SDK1: variants seen among roughly 807,000 people sequenced by gnomAD.
The protein encoded by SDK1 is sidekick cell adhesion molecule 1.
Under a neutral mutation model 245.5 loss-of-function variants are expected in SDK1, and 157 were observed. The ratio of observed to expected loss-of-function variants is 0.64; its 90% CI spans 0.56 to 0.73. The LOEUF (loss-of-function observed/expected upper bound fraction) is 0.73, where lower values mean the gene tolerates loss of function less well. SDK1 is among the 30% of genes least tolerant of loss of function. The pLI is 0.00. For missense variants in SDK1, 3,583 were observed against 3,002.3 expected (o/e 1.19, Z -4.52); for synonymous variants, 1,647 against 1,278.5 (o/e 1.29, Z -6.15).
chr7:4,055,433 T>G (rs1461430105), intron 19 of SDK1, among the ~76,000 whole-genome samples: 1 of 152,224 alleles, frequency 6.6e-6, no homozygotes, highest in Non-Finnish European at 1.5e-5. Flanking sequence ...TGTCCTGTTT[T>G]TTATTCCTGA....
chr7:3,305,487 G>A (rs1011484887), intron 1 of SDK1, among the ~76,000 whole-genome samples: 3 of 152,136 alleles, frequency 2.0e-5, no homozygotes, highest in Non-Finnish European at 2.9e-5. Context: ...TCTGCCACTT[G>A]TTTGCTAGAG....
At chr7:3,451,245 A>C (rs758856984) in intron 1 of SDK1, among the ~76,000 whole-genome samples, 1 of 151,690 alleles carries the variant, frequency 6.6e-6, no homozygotes, top group Non-Finnish European at 1.5e-5. Context: ...ATTGTTGTGA[A>C]GTTCCAAGAG....
chr7:3,635,662 T>C (rs1049367177), intron 2 of SDK1, among the ~76,000 whole-genome samples: 1 of 152,224 alleles, frequency 6.6e-6, no homozygotes, highest in Non-Finnish European at 1.5e-5. Flanking sequence ...CACTCTGTTT[T>C]CTTCTCCCCT....
chr7:3,470,833 T>A (rs970462140), intron 1 of SDK1, among the ~76,000 whole-genome samples: 6 of 152,334 alleles, frequency 3.9e-5, no homozygotes, highest in Admixed American at 2.6e-4. Flanking sequence ...AAATATCATA[T>A]AAATGCAAAT....
intron 4 of SDK1, among the ~76,000 whole-genome samples, chr7:3,820,441 C>G (rs760560325): frequency 3.7e-4 from 56 of 152,206 alleles, no homozygotes; most frequent in Non-Finnish European, 6.5e-4. Flanking sequence ...AGCCACTGCG[C>G]TCAGCCCATA....
chr7:3,479,455 T>G (rs1210832402), intron 1 of SDK1, among the ~76,000 whole-genome samples: 1 of 150,886 alleles, frequency 6.6e-6, no homozygotes, highest in African/African-American at 2.4e-5. Context: ...GAATATCTAT[T>G]GTCCAATTGG....
intron 1 of SDK1, among the ~76,000 whole-genome samples, chr7:3,500,968 C>T (rs1163474182): frequency 6.6e-6 from 1 of 151,976 alleles, no homozygotes; most frequent in Non-Finnish European, 1.5e-5. Flanking sequence ...TTTTTAATAT[C>T]TGATAATTTT....
At chr7:3,719,514 G>C (rs1785302694) in intron 4 of SDK1, among the ~76,000 whole-genome samples, 1 of 152,104 alleles carries the variant, frequency 6.6e-6, no homozygotes, top group Non-Finnish European at 1.5e-5. Flanking sequence ...ACTAATTTTT[G>C]ACAAAGGTGC....
chr7:4,124,565 G>A (rs1038504007), intron 25 of SDK1, among the ~76,000 whole-genome samples: 7 of 152,194 alleles, frequency 4.6e-5, no homozygotes, highest in Admixed American at 3.9e-4. Context: ...AGTTACATCT[G>A]CAACAACTGT....
Position 3,301,819 on chromosome 7 carries a change from C to G in SDK1, c.233C>G (p.Pro78Arg), listed in dbSNP as rs1430261706. 9.2e-7 allele frequency: 1 copy of G among 1,089,626 alleles called. No homozygotes were observed. 67.5% of individuals were successfully genotyped at this position (1,089,626 alleles called of 1,614,324 possible). A position where few individuals can be genotyped will look rare whatever the true frequency, so the allele number is the denominator to read the frequency against. The change falls in exon 1 of 45, where the codon CCG (proline) becomes CGG (arginine). Residue 78 changes from proline to arginine, a missense_variant. Pro to Arg is a moderately radical substitution (Grantham distance 103). Transcript: ENST00000404826. ...CGGRRAAKLG[P>R]GRRGWWALLA... ...GGGCGGCGGGCGGCAAAGTTGGGGC[C>G]GGGCCGCCGCGGCTGGTGGGCGCTG...
At chr7:3,749,390 C>A (rs1562415263) in intron 4 of SDK1, among the ~76,000 whole-genome samples, 1 of 152,200 alleles carries the variant, frequency 6.6e-6, no homozygotes, top group Admixed American at 6.5e-5. Context: ...ACCTCTGCCT[C>A]CCAGGTTCAA....
At chr7:3,885,896 G>C (rs1173458559) in intron 5 of SDK1, among the ~76,000 whole-genome samples, 2 of 152,138 alleles carry the variant, frequency 1.3e-5, no homozygotes, top group African/African-American at 4.8e-5. Context: ...GCATTCTGCT[G>C]TTGTTTTGTT....
At chr7:3,305,563 C>G (rs1456224808) in intron 1 of SDK1, among the ~76,000 whole-genome samples, 2 of 152,164 alleles carry the variant, frequency 1.3e-5, no homozygotes, top group Non-Finnish European at 2.9e-5. Context: ...TCCAGAAGTA[C>G]TTTGCTTCCC....
At chr7:3,351,317 A>G (rs899839019) in intron 1 of SDK1, among the ~76,000 whole-genome samples, 3 of 152,194 alleles carry the variant, frequency 2.0e-5, no homozygotes, top group Non-Finnish European at 4.4e-5. Flanking sequence ...ATTTTACCTA[A>G]CAATTTATTG....
intron 5 of SDK1, among the ~76,000 whole-genome samples, chr7:3,872,936 A>G (rs543537727): frequency 1.3e-5 from 2 of 152,216 alleles, no homozygotes; most frequent in South Asian, 4.1e-4. Flanking sequence ...GTATCAACAC[A>G]CCAGATATTT....
chr7:3,918,099 G>A (rs1435007255), intron 5 of SDK1, among the ~76,000 whole-genome samples: 1 of 152,162 alleles, frequency 6.6e-6, no homozygotes, highest in African/African-American at 2.4e-5. Flanking sequence ...TCTCAGTTCA[G>A]CCATCCCAGG....
At chr7:3,439,462 A>G (rs1182413700) in intron 1 of SDK1, among the ~76,000 whole-genome samples, 3 of 152,122 alleles carry the variant, frequency 2.0e-5, no homozygotes, top group Non-Finnish European at 4.4e-5. Context: ...GGTTTGGTCA[A>G]CCTTTCCTAA....
At chr7:3,781,312 C>G (rs888291754) in intron 4 of SDK1, among the ~76,000 whole-genome samples, 1 of 152,134 alleles carries the variant, frequency 6.6e-6, no homozygotes, top group African/African-American at 2.4e-5. Flanking sequence ...CACAACCCCA[C>G]CTGACATCAG....
intron 4 of SDK1, among the ~76,000 whole-genome samples, chr7:3,746,791 C>A (rs923534838): frequency 2.0e-5 from 3 of 152,218 alleles, no homozygotes; most frequent in African/African-American, 7.2e-5. Context: ...CACTGCAATG[C>A]TGAACCCCTC....
Sources: gnomAD v4.1 joint callset for allele counts (sites outside exome capture counted in the v4.1 genomes callset) on GRCh38, gnomAD v4.1.1 for gene constraint, MANE v1.5 for transcripts, NCBI Gene and HGNC (gene_info 2026-07-23, HGNC 2026-07-21) for gene names.